Variants in NRXN2 observed in about 807,000 individuals in gnomAD.
The protein encoded by NRXN2 is neurexin 2, also known as neurexin-2-beta.
A neutral mutation model predicts 128.8 loss-of-function variants in NRXN2; 29 were observed. That is an observed-to-expected ratio of 0.23 (90% CI 0.17 to 0.31). The LOEUF (loss-of-function observed/expected upper bound fraction) is 0.31, where lower values mean the gene tolerates loss of function less well. Among genes scored for constraint, NRXN2 ranks in the 10% least tolerant of loss-of-function variants. The pLI, the probability that NRXN2 is intolerant of heterozygous loss-of-function variation, is 1.00. For missense variants in NRXN2, 1,881 were observed against 2,452.6 expected, an observed-to-expected ratio of 0.77 and a Z score of 4.92; for synonymous variants, 1,098 against 1,075.2, an observed-to-expected ratio of 1.02 and a Z score of -0.41.
At chr11:64,652,383 C>T (rs1274690975) in intron 12 of NRXN2, among the ~76,000 whole-genome samples, 1 of 152,088 alleles carries the variant, frequency 6.6e-6, no homozygotes, top group Admixed American at 6.6e-5. Context: ...GCTTTTATAC[C>T]CCAGTCATAC....
At chr11:64,659,351 G>T (rs1391723838) in intron 11 of NRXN2, 1 of 152,306 alleles carries the variant, frequency 6.6e-6, no homozygotes, top group Non-Finnish European at 1.5e-5. Context: ...CCCATAAATA[G>T]CTGAATGAGT....
intron 2 of NRXN2, among the ~76,000 whole-genome samples, chr11:64,702,037 G>A (rs1439381287): frequency 6.7e-6 from 1 of 149,316 alleles, no homozygotes; most frequent in Admixed American, 6.6e-5. Context: ...CAGCCGCCCC[G>A]TCCGGGAGGT....
chr11:64,678,472 C>T (rs1234939821), intron 6 of NRXN2, among the ~76,000 whole-genome samples: 1 of 152,054 alleles, frequency 6.6e-6, no homozygotes, highest in Non-Finnish European at 1.5e-5. Context: ...CACCCATAAA[C>T]CCCTGAGTCT....
chr11:64,651,134 G>C lies in NRXN2; in HGVS notation c.2918+121C>G. On this transcript the variant is annotated intron_variant, in intron 14 of 22. Coordinates refer to ENST00000265459, the MANE Select transcript of NRXN2 (RefSeq NM_015080.4). This position sits in a 1 kb window ranked among gnomAD's most constrained non-coding sequence, Gnocchi z 5.9. ...CCTCTCGACTTACGGTCGGGGACCTGAATCTTGACTTGTGATCTGGGGGGA... is the reference window on the plus strand; with the variant it reads ...CCTCTCGACTTACGGTCGGGGACCTCAATCTTGACTTGTGATCTGGGGGGA... 1.4e-6 allele frequency: 2 copies of C among 1,398,130 alleles called. No individual in the cohort carries two copies. Among genetic ancestry groups the C allele is most frequent in the South Asian group, 2.4e-5 (2 of 84,694 alleles). 86.6% of individuals were successfully genotyped at this position (1,398,130 alleles called of 1,614,324 possible).
intron 5 of NRXN2, 147 bp downstream of exon 5, chr11:64,690,258 C>T: frequency 1.4e-6 from 1 of 714,956 alleles, no homozygotes. Context: ...TTTGGAATGG[C>T]ACTCGGGGAG....
At chr11:64,649,041 G>A in intron 15 of NRXN2, 134 bp from the exon 16 acceptor site, 1 of 912,168 alleles carries the variant, frequency 1.1e-6, no homozygotes, top group Non-Finnish European at 1.8e-6. Flanking sequence ...CCCTAACAGA[G>A]ATCCAGAGAC....
At chr11:64,665,279 CAA>C (rs34174672) in intron 9 of NRXN2, among the ~76,000 whole-genome samples, 7 of 129,388 alleles carry the variant, frequency 5.4e-5, no homozygotes, top group Admixed American at 8.0e-5. Context: ...GACTCCATCT[CAA>C]AAAAAAAAAA....
chr11:64,707,598 A>C (rs922695822), intron 2 of NRXN2, among the ~76,000 whole-genome samples: 1 of 152,208 alleles, frequency 6.6e-6, no homozygotes, highest in African/African-American at 2.4e-5. Flanking sequence ...TGTACCAGGC[A>C]CTGTTCTAAG....
rs1442302130 is a variant in NRXN2 at position 64,667,583 on chromosome 11, C to A, written c.1465G>T (p.Val489Leu). The A allele has an allele frequency of 6.2e-7, 1 of 1,614,248 alleles. No individual in the cohort carries two copies. The highest frequency in any genetic ancestry group is 8.5e-7 in the Non-Finnish European group (1 of 1,180,040). The change falls in exon 9 of 23, where the codon GTG (valine) becomes TTG (leucine). Residue 489 changes from valine (V) to leucine (L), a missense_variant. Val to Leu is a conservative substitution (Grantham distance 32). Coordinates refer to ENST00000265459, the MANE Select transcript of NRXN2 (RefSeq NM_015080.4). The surrounding 1 kb of genome is among the most constrained non-coding windows in gnomAD (Gnocchi z 5.6). ...QGDLSFRCED[V>L]AALDPVTFES... ...AAGGTCACAGGGTCCAGGGCAGCCA[C>A]ATCCTCACAGCGGAATGACAAGTCC... is the stretch of plus-strand genomic sequence containing the variant.
intron 17 of NRXN2, among the ~76,000 whole-genome samples, chr11:64,639,487 A>T (rs1291034986): frequency 6.6e-6 from 1 of 152,206 alleles, no homozygotes; most frequent in Admixed American, 6.5e-5. Flanking sequence ...CGACAGTACC[A>T]GAAATGAACA....
chr11:64,635,432 C>T lies in NRXN2; in HGVS notation c.3424G>A (p.Gly1142Arg). ...TAGGTGATGAGCGCTCCCCCCTTCC[C>T]AAAGATGTATGTGGTCCCGGCTGCA... is the stretch of plus-strand genomic sequence containing the variant. ...CNDPGTTYIF[G>R]KGGALITYTW... The change falls in exon 18 of 23, where the codon GGG becomes AGG. Residue 1142 changes from glycine to arginine, a missense_variant. Coordinates refer to ENST00000265459, the MANE Select transcript of NRXN2 (RefSeq NM_015080.4). The surrounding 1 kb of genome is among the most constrained non-coding windows in gnomAD (Gnocchi z 4.8). 6.2e-7 allele frequency: 1 copy of T among 1,613,790 alleles called. No individual in the cohort carries two copies. Among genetic ancestry groups the T allele is most frequent in the Non-Finnish European group, 8.5e-7 (1 of 1,180,004 alleles).
intron 21 of NRXN2, among the ~76,000 whole-genome samples, chr11:64,621,774 G>A (rs1312104276): frequency 1.3e-5 from 2 of 152,156 alleles, no homozygotes; most frequent in African/African-American, 4.8e-5. Flanking sequence ...TGCCAGGTGT[G>A]AGCCCTCCCT....
At chr11:64,671,223 T>C (rs1420652512) in intron 7 of NRXN2, among the ~76,000 whole-genome samples, 1 of 151,662 alleles carries the variant, frequency 6.6e-6, no homozygotes, top group Non-Finnish European at 1.5e-5. Flanking sequence ...GGAAGTGCCC[T>C]GAGGAAAGGG....
At chr11:64,641,270 A>T (rs918410084) in intron 17 of NRXN2, among the ~76,000 whole-genome samples, 1 of 152,038 alleles carries the variant, frequency 6.6e-6, no homozygotes, top group Admixed American at 6.6e-5. Context: ...GGAGGCACAG[A>T]AATGGGAGGT....
chr11:64,639,264 A>C, intron 17 of NRXN2, among the ~76,000 whole-genome samples: 1 of 152,164 alleles, frequency 6.6e-6, no homozygotes, highest in Non-Finnish European at 1.5e-5. Context: ...CCCTGTGCTC[A>C]GCTGTCTCTT....
In NRXN2 at chr11:64,667,848, A is replaced by T. The variant is rs1452001517; in HGVS notation, c.1360-160T>A. ...GCTTAGGCCTCTGTTCTACAGCTTC[A>T]GACACAGAGGCTGTGAACAAGCACC... On this transcript the variant is annotated intron_variant, in intron 8 of 22. Coordinates refer to ENST00000265459, the MANE Select transcript of NRXN2 (RefSeq NM_015080.4). This position sits in a 1 kb window ranked among gnomAD's most constrained non-coding sequence, Gnocchi z 5.6. Among the ~76,000 whole-genome samples, 1 of 152,168 alleles carries T rather than the reference A, an allele frequency of 6.6e-6. No homozygotes were observed. Among genetic ancestry groups the T allele is most frequent in the Non-Finnish European group, 1.5e-5 (1 of 68,022 alleles).
intron 6 of NRXN2, among the ~76,000 whole-genome samples, chr11:64,678,182 C>A (rs1156856214): frequency 1.3e-5 from 2 of 152,082 alleles, no homozygotes; most frequent in African/African-American, 4.8e-5. Context: ...GGAAATGTTG[C>A]CCTCCACGGA....
chr11:64,671,848 G>A (rs762699915), intron 7 of NRXN2, among the ~76,000 whole-genome samples: 10 of 151,792 alleles, frequency 6.6e-5, no homozygotes, highest in Non-Finnish European at 7.4e-5. Flanking sequence ...AACAGCAGGC[G>A]ACCCAACACT....
intron 22 of NRXN2, among the ~76,000 whole-genome samples, chr11:64,614,174 G>C (rs2041100578): frequency 1.3e-5 from 2 of 152,216 alleles, no homozygotes; most frequent in South Asian, 2.1e-4. Flanking sequence ...TGAGGACAAT[G>C]GCGCAGTAAA....
Sources: gnomAD v4.1 joint callset for allele counts (sites outside exome capture counted in the v4.1 genomes callset) on GRCh38, gnomAD v4.1.1 for gene constraint, Gnocchi (gnomAD v3.1) non-coding constraint, MANE v1.5 for transcripts, NCBI Gene and HGNC (gene_info 2026-07-23, HGNC 2026-07-21) for gene names.